BAZ2B: variants seen among roughly 807,000 people sequenced by gnomAD.
BAZ2B encodes the protein bromodomain adjacent to zinc finger domain protein 2B.
A neutral mutation model predicts 246.0 loss-of-function variants in BAZ2B; 91 were observed. The observed-to-expected ratio is 0.37, with a 90% CI of 0.31 to 0.44. The LOEUF is 0.44. Ranked by LOEUF, BAZ2B falls within the 20% of genes least tolerant of loss-of-function variation. The probability of loss-of-function intolerance (pLI) is 1.00; values close to 1 mark genes in which losing one functional copy is unlikely to be tolerated. For missense variants in BAZ2B, 2,332 were observed against 2,533.7 expected, an observed-to-expected ratio of 0.92 and a Z score of 1.71; for synonymous variants, 855 against 860.0, an observed-to-expected ratio of 0.99 and a Z score of 0.10.
intron 2 of BAZ2B, among the ~76,000 whole-genome samples, chr2:159,509,465 T>A (rs1404923614): frequency 6.6e-6 from 1 of 152,194 alleles, no homozygotes; most frequent in Non-Finnish European, 1.5e-5. Context: ...CACATACATA[T>A]GTTTTCACAC....
chr2:159,613,845 T>C (rs547056364), intron 1 of BAZ2B, among the ~76,000 whole-genome samples: 2 of 152,302 alleles, frequency 1.3e-5, no homozygotes, highest in African/African-American at 4.8e-5. Flanking sequence ...AGTCAAGCTT[T>C]CTATATAGCA....
the BAZ2B span, among the ~76,000 whole-genome samples, chr2:159,652,329 C>T: frequency 1.3e-5 from 2 of 151,964 alleles, no homozygotes; most frequent in Non-Finnish European, 2.9e-5. Context: ...CCTGCCTCAC[C>T]CTCCCATATA....
the BAZ2B span, among the ~76,000 whole-genome samples, chr2:159,697,531 T>A: frequency 6.6e-6 from 1 of 152,190 alleles, no homozygotes; most frequent in Non-Finnish European, 1.5e-5. Flanking sequence ...ATTAGGACAA[T>A]CATTTTTATA....
At chr2:159,482,436 G>C (rs2079345864) in intron 2 of BAZ2B, among the ~76,000 whole-genome samples, 1 of 152,068 alleles carries the variant, frequency 6.6e-6, no homozygotes, top group South Asian at 2.1e-4. Flanking sequence ...AGAGTACCTA[G>C]CATTTAATAC....
intron 27 of BAZ2B, among the ~76,000 whole-genome samples, chr2:159,363,710 G>T (rs745817643): frequency 5.3e-5 from 8 of 152,136 alleles, no homozygotes; most frequent in Non-Finnish European, 1.2e-4. Flanking sequence ...TTGAGAGACG[G>T]CCTAATTCTT....
chr2:159,395,238 T>C (rs1279637350), intron 20 of BAZ2B, among the ~76,000 whole-genome samples: 1 of 152,206 alleles, frequency 6.6e-6, no homozygotes, highest in East Asian at 1.9e-4. Context: ...TTGTAACATA[T>C]ATCTATTTCA....
At chr2:159,671,785 T>C in the BAZ2B span, among the ~76,000 whole-genome samples, 1 of 152,198 alleles carries the variant, frequency 6.6e-6, no homozygotes, top group Admixed American at 6.5e-5. Context: ...ACGTTGTTTT[T>C]CCCTCTAATG....
chr2:159,519,017 A>C (rs1008701324), intron 2 of BAZ2B, among the ~76,000 whole-genome samples: 1 of 152,128 alleles, frequency 6.6e-6, no homozygotes, highest in African/African-American at 2.4e-5. Flanking sequence ...TTAAAATAAC[A>C]AATTTCACAT....
Position 159,521,815 on chromosome 2 carries a change from T to C in BAZ2B, c.-3+34008A>G, listed in dbSNP as rs184265379. ...AAGAAACAAAGGAGGTTTATTTCTA[T>C]AGAGAATTGTTGGATCTCAGGTCCA... On this transcript the variant is annotated intron_variant, in intron 2 of 36. Coordinates refer to ENST00000392783, the MANE Select transcript of BAZ2B (RefSeq NM_013450.4). 1.2e-4 allele frequency among the ~76,000 whole-genome samples: 18 copies of C among 152,206 alleles called. 1 individual carries two copies. Among genetic ancestry groups the C allele is most frequent in the Admixed American group, 8.5e-4 (13 of 15,300 alleles).
chr2:159,429,515 T>C (rs2070683285), intron 10 of BAZ2B, among the ~76,000 whole-genome samples: 1 of 152,120 alleles, frequency 6.6e-6, no homozygotes, highest in African/African-American at 2.4e-5. Context: ...GGTAAAAATA[T>C]ACACCTTTCC....
intron 25 of BAZ2B, among the ~76,000 whole-genome samples, chr2:159,377,989 G>C (rs1383919128): frequency 6.6e-6 from 1 of 152,090 alleles, no homozygotes; most frequent in Non-Finnish European, 1.5e-5. Flanking sequence ...TTCTAGTTTA[G>C]TAAGATAACT....
At chr2:159,563,601 T>C (rs1434075852) in intron 1 of BAZ2B, among the ~76,000 whole-genome samples, 1 of 152,136 alleles carries the variant, frequency 6.6e-6, no homozygotes, top group Non-Finnish European at 1.5e-5. Flanking sequence ...ATTCTACACA[T>C]ATGTGGTACC....
the BAZ2B span, among the ~76,000 whole-genome samples, chr2:159,701,635 GTA>G: frequency 1.4e-5 from 2 of 146,856 alleles, no homozygotes; most frequent in African/African-American, 4.9e-5. Flanking sequence ...AATTATATAT[GTA>G]TATATAATAT....
At position 159,385,183 on chromosome 2, in the gene BAZ2B, C is replaced by A; in HGVS notation, c.3658G>T (p.Glu1220Ter). ...ACCACACTCTTGCTGCATGCCAGTT[C>A]ATTGATCAGGAAAGCCAGGACTGAA... ...KASVLAFLIN[E>*]LACSKSVVSE... is the part of the protein sequence containing the mutation. Residue 1220 changes from glutamate (E) to a stop codon, truncating the protein, a stop_gained, in exon 23 of 37, where the codon GAA becomes TAA. Coordinates refer to ENST00000392783, the MANE Select transcript of BAZ2B (RefSeq NM_013450.4). LOFTEE classifies it high-confidence loss of function. 1 of 1,613,474 alleles carries A rather than the reference C, an allele frequency of 6.2e-7. No homozygotes were observed. Among genetic ancestry groups the A allele is most frequent in the South Asian group, 1.1e-5 (1 of 91,040 alleles).
the BAZ2B span, among the ~76,000 whole-genome samples, chr2:159,642,036 T>C: frequency 1.3e-5 from 2 of 152,246 alleles, no homozygotes; most frequent in East Asian, 3.9e-4. Flanking sequence ...GAAATTTTTC[T>C]ATTTTAGTTT....
At chr2:159,375,221 C>T (rs1002378258) in intron 25 of BAZ2B, among the ~76,000 whole-genome samples, 2 of 151,934 alleles carry the variant, frequency 1.3e-5, no homozygotes, top group Non-Finnish European at 2.9e-5. Context: ...CAAAACATAG[C>T]AAACCACACA....
At chr2:159,433,573 C>T (rs2071554729) in intron 8 of BAZ2B, 1 of 444,856 alleles carries the variant, frequency 2.2e-6, no homozygotes, top group South Asian at 4.9e-5. Context: ...TTAGTTTTTC[C>T]CCATTAAAAA....
chr2:159,623,161 G>A, the BAZ2B span, among the ~76,000 whole-genome samples: 9 of 149,906 alleles, frequency 6.0e-5, no homozygotes, highest in Admixed American at 2.7e-4. Context: ...GAAGGAGGGA[G>A]GAGGGAAGGA....
At chr2:159,668,268 A>G in the BAZ2B span, among the ~76,000 whole-genome samples, 3 of 150,486 alleles carry the variant, frequency 2.0e-5, no homozygotes, top group Non-Finnish European at 4.4e-5. Context: ...GGGACAGTTT[A>G]CTTTGTCCTT....
Sources: allele counts gnomAD v4.1 joint callset (sites outside exome capture counted in the v4.1 genomes callset), GRCh38; gene constraint gnomAD v4.1.1; transcripts MANE v1.5; gene names NCBI Gene and HGNC (gene_info 2026-07-23, HGNC 2026-07-21).